The following ARIH2 variants were observed in gnomAD, a reference collection of about 807,000 sequenced individuals.
ARIH2 encodes ariadne RBR E3 ubiquitin protein ligase 2, also known as E3 ubiquitin-protein ligase ARIH2.
In ARIH2, 12 loss-of-function variants were observed where a neutral mutation model predicts 79.8. That is an observed-to-expected ratio of 0.15 (90% CI 0.10 to 0.24). The LOEUF (loss-of-function observed/expected upper bound fraction) is 0.24. ARIH2 is among the 10% of genes least tolerant of loss of function. The pLI is 1.00. For missense variants in ARIH2, 301 were observed against 618.3 expected, an observed-to-expected ratio of 0.49 and a Z score of 5.44; for synonymous variants, 224 against 213.9, an observed-to-expected ratio of 1.05 and a Z score of -0.41.
intron 3 of ARIH2, among the ~76,000 whole-genome samples, chr3:48,946,580 T>TG (rs2089177965): frequency 6.6e-6 from 1 of 152,064 alleles, no homozygotes; most frequent in Non-Finnish European, 1.5e-5. Context: ...AATAAAGATC[T>TG]GGAAACCATC....
chr3:48,969,924 T>C (rs1490392419), intron 7 of ARIH2, among the ~76,000 whole-genome samples: 2 of 148,740 alleles, frequency 1.3e-5, no homozygotes, highest in Non-Finnish European at 1.5e-5. Context: ...GGAGTCTCAC[T>C]CTGTCACCGA....
chr3:48,977,028 A>G (rs1313851243), intron 11 of ARIH2, among the ~76,000 whole-genome samples: 4 of 151,946 alleles, frequency 2.6e-5, no homozygotes, highest in Non-Finnish European at 4.4e-5. Flanking sequence ...GTGAAACCCC[A>G]TCTCTACTAA....
At chr3:48,972,076 C>T (rs960978505) in intron 8 of ARIH2, among the ~76,000 whole-genome samples, 4 of 152,060 alleles carry the variant, frequency 2.6e-5, no homozygotes, top group East Asian at 1.9e-4. Context: ...CTGGGAGATC[C>T]GATGAGACTC....
At chr3:48,982,256 A>G (rs1439335610) in intron 14 of ARIH2, among the ~76,000 whole-genome samples, 3 of 152,228 alleles carry the variant, frequency 2.0e-5, no homozygotes, top group Non-Finnish European at 4.4e-5. Context: ...CATTGTGTAT[A>G]TATAATCAAG....
At chr3:48,953,498 G>A (rs1319262458) in intron 3 of ARIH2, among the ~76,000 whole-genome samples, 1 of 151,980 alleles carries the variant, frequency 6.6e-6, no homozygotes, top group African/African-American at 2.4e-5. Context: ...CCGCCTCCCG[G>A]GTTCACGCCA....
intron 3 of ARIH2, among the ~76,000 whole-genome samples, chr3:48,939,112 C>T (rs911341056): frequency 4.0e-5 from 6 of 151,872 alleles, no homozygotes; most frequent in African/African-American, 7.3e-5. Context: ...GGACTACAGG[C>T]GCCTGCCACC....
At chr3:48,977,800 A>G (rs2092589049) in intron 11 of ARIH2, among the ~76,000 whole-genome samples, 1 of 152,174 alleles carries the variant, frequency 6.6e-6, no homozygotes. Flanking sequence ...TAGCTAATTA[A>G]GGAGAGGGCA....
At chr3:48,961,725 T>A in intron 4 of ARIH2, 46 bp downstream of exon 4, 1 of 1,228,962 alleles carries the variant, frequency 8.1e-7, no homozygotes, top group Non-Finnish European at 1.2e-6. Flanking sequence ...ATAGCTCCCC[T>A]CTCCGTGGTG....
At chr3:48,969,178 CTT>C (rs562931150) in intron 7 of ARIH2, among the ~76,000 whole-genome samples, 188 of 137,416 alleles carry the variant, frequency 1.4e-3, no homozygotes, top group Admixed American at 1.4e-3. Flanking sequence ...CAGCCTCTTT[CTT>C]TTTTTTTTTT....
At chr3:48,971,003 C>G (rs1247891579) in intron 8 of ARIH2, among the ~76,000 whole-genome samples, 1 of 152,206 alleles carries the variant, frequency 6.6e-6, no homozygotes, top group Non-Finnish European at 1.5e-5. Context: ...CATAGCTAAT[C>G]ACATATTACT....
chr3:48,934,221 A>G lies in ARIH2; in HGVS notation c.255+6408A>G, dbSNP rs181087736. The G allele has an allele frequency of 2.4e-3, 921 of 378,842 alleles. 1 individual carries two copies. Among genetic ancestry groups the G allele is most frequent in the Non-Finnish European group, 2.9e-3 (800 of 275,694 alleles). The allele number at this position is 378,842 out of a possible 1,614,324, so 23.5% of individuals were successfully genotyped here. ...GCCTTTTTCACTTGTAACGTGATCAATTGGTGTTCATAACAACAAAATACA... is the reference window on the plus strand; with the variant it reads ...GCCTTTTTCACTTGTAACGTGATCAGTTGGTGTTCATAACAACAAAATACA... On this transcript the variant is annotated intron_variant, in intron 3 of 15. Transcript: ENST00000356401.
chr3:48,947,366 G>C (rs568374413), intron 3 of ARIH2, among the ~76,000 whole-genome samples: 39 of 152,054 alleles, frequency 2.6e-4, no homozygotes, highest in African/African-American at 8.9e-4. Context: ...GCTTGAACCT[G>C]GGCGGTGGAG....
At chr3:48,919,264 A>G (rs2084387688) in intron 1 of ARIH2, 1 of 1,169,496 alleles carries the variant, frequency 8.6e-7, no homozygotes, top group Non-Finnish European at 1.1e-6. Flanking sequence ...GCGCCGGCAC[A>G]TCTAGGCCCT....
chr3:48,978,421 ATGTGTGTGTGTGTGTGTGTGTGTGTG>A (rs1188251261), intron 11 of ARIH2, among the ~76,000 whole-genome samples: 1 of 55,760 alleles, frequency 1.8e-5, no homozygotes, highest in African/African-American at 6.1e-5. Context: ...TAATTTGTGT[ATGTGTGTGTGTGTGTGTGTGTGTGTG>A]TGTGTGTGTG....
At chr3:48,950,506 A>C (rs1267835592) in intron 3 of ARIH2, among the ~76,000 whole-genome samples, 1 of 152,106 alleles carries the variant, frequency 6.6e-6, no homozygotes, top group East Asian at 1.9e-4. Context: ...ATTGCTTTGG[A>C]TATTCTGGAT....
At chr3:48,924,427 T>C (rs2085280864) in intron 2 of ARIH2, among the ~76,000 whole-genome samples, 1 of 152,114 alleles carries the variant, frequency 6.6e-6, no homozygotes, top group Non-Finnish European at 1.5e-5. Context: ...TGGCACGATC[T>C]CACTGCAGCC....
chr3:48,930,938 G>A (rs2086275321), intron 3 of ARIH2, among the ~76,000 whole-genome samples: 2 of 152,126 alleles, frequency 1.3e-5, no homozygotes, highest in Admixed American at 6.5e-5. Context: ...CAAGTTTGAG[G>A]AGTGGCTTAA....
At chr3:48,936,685 A>T (rs1250452845) in intron 3 of ARIH2, among the ~76,000 whole-genome samples, 1 of 151,600 alleles carries the variant, frequency 6.6e-6, no homozygotes, top group Non-Finnish European at 1.5e-5. Flanking sequence ...GTGAGCCAAG[A>T]TTGCACCACT....
intron 11 of ARIH2, among the ~76,000 whole-genome samples, chr3:48,975,527 G>A (rs922500952): frequency 2.6e-5 from 4 of 151,844 alleles, no homozygotes; most frequent in South Asian, 2.1e-4. Flanking sequence ...GGTCTTCTAC[G>A]CAGCTGCTTT....
Sources: gnomAD v4.1 joint callset for allele counts (sites outside exome capture counted in the v4.1 genomes callset) on GRCh38, gnomAD v4.1.1 for gene constraint, MANE v1.5 for transcripts, NCBI Gene and HGNC (gene_info 2026-07-23, HGNC 2026-07-21) for gene names.